The following ZNF217 variants were observed in gnomAD, a reference collection of about 807,000 sequenced individuals.
ZNF217 encodes zinc finger protein 217.
ZNF217 carries 12 observed loss-of-function variants against 73.3 expected under a neutral mutation model. The ratio of observed to expected loss-of-function variants is 0.16; its 90% CI spans 0.10 to 0.27. The LOEUF (loss-of-function observed/expected upper bound fraction) is 0.27, where lower values mean the gene tolerates loss of function less well. Among genes scored for constraint, ZNF217 ranks in the 10% least tolerant of loss-of-function variants. The pLI is 1.00. For missense variants in ZNF217, 1,195 were observed against 1,327.8 expected (o/e 0.90, Z 1.55); for synonymous variants, 588 against 516.4 (o/e 1.14, Z -1.88).
chr20:53,582,353 A>G lies in ZNF217; in HGVS notation c.474T>C (p.Cys158=). ...RTHKDSFTYG[C]NMCGRRFKEP... ...CCTTGAATCTTCTTCCGCACATGTT[A>G]CACCCGTAAGTGAAAGAATCTTTGT... The change falls in exon 2 of 6, where the codon TGT becomes TGC. Residue 158 remains cysteine, a synonymous_variant. Transcript: ENST00000371471. This position sits in a 1 kb window ranked among gnomAD's most constrained non-coding sequence, Gnocchi z 4.8. The G allele has an allele frequency of 6.2e-7, 1 of 1,614,200 alleles. No individual in the cohort carries two copies. The highest frequency in any genetic ancestry group is 2.2e-5 in the East Asian group (1 of 44,880).
chr20:53,585,745 G>C (rs1271806665), intron 1 of ZNF217, among the ~76,000 whole-genome samples: 1 of 152,204 alleles, frequency 6.6e-6, no homozygotes, highest in East Asian at 1.9e-4. Context: ...AGGAGGTTCA[G>C]TGGGAAACGA....
At chr20:53,583,354 C>T (rs1600725579) in intron 1 of ZNF217, among the ~76,000 whole-genome samples, 186 bp from the exon 2 acceptor site, 1 of 152,190 alleles carries the variant, frequency 6.6e-6, no homozygotes, top group African/African-American at 2.4e-5. Flanking sequence ...TTTATCCAGT[C>T]AGTACACTTA....
chr20:53,570,903 G>A (rs1327577519), intron 5 of ZNF217, among the ~76,000 whole-genome samples: 1 of 152,204 alleles, frequency 6.6e-6, no homozygotes, highest in Non-Finnish European at 1.5e-5. Flanking sequence ...CATAATCCAT[G>A]CCTCGGTCTC....
chr20:53,586,324 G>T (rs372618702), intron 1 of ZNF217, among the ~76,000 whole-genome samples: 1 of 152,086 alleles, frequency 6.6e-6, no homozygotes, highest in Admixed American at 6.6e-5. Flanking sequence ...AAATTAACTT[G>T]CATGTTCATC....
chr20:53,571,992 G>A (rs937649201), intron 4 of ZNF217, 139 bp from the exon 5 acceptor site: 30 of 806,280 alleles, frequency 3.7e-5, no homozygotes, highest in African/African-American at 2.9e-4. Flanking sequence ...GCATGCAAGT[G>A]TTTTCAGTTA....
intron 4 of ZNF217, chr20:53,575,520 G>A (rs995887431): frequency 1.9e-6 from 1 of 537,354 alleles, no homozygotes; most frequent in African/African-American, 1.9e-5. Context: ...AATACACAGG[G>A]TTAAGAGTTA....
At chr20:53,596,447 G>C (rs1305734976), upstream of ZNF217, among the ~76,000 whole-genome samples, 1 of 152,182 alleles carries the variant, frequency 6.6e-6, no homozygotes, top group African/African-American at 2.4e-5. Flanking sequence ...CTGCTGGGTT[G>C]CAAATACATA....
chr20:53,593,594 G>A (rs1568694527), intron 1 of ZNF217, among the ~76,000 whole-genome samples, 162 bp downstream of exon 1: 1 of 151,916 alleles, frequency 6.6e-6, no homozygotes, highest in African/African-American at 2.4e-5. Flanking sequence ...GCTGGGGAGG[G>A]GGCGCCCTAG....
chr20:53,582,828 T>C lies in ZNF217; in HGVS notation c.-2A>G, dbSNP rs772342801. 2 of 1,588,920 alleles carry C rather than the reference T, an allele frequency of 1.3e-6. No homozygotes were observed. The highest frequency in any genetic ancestry group is 1.7e-5 in the Admixed American group (1 of 57,150). Reference sequence around the variant, plus strand: ...GTTTCCTGTCACTTTCGATTGCATATAATCTCAAAGTTCCGTTGGGCAATT... The same window carrying C: ...GTTTCCTGTCACTTTCGATTGCATACAATCTCAAAGTTCCGTTGGGCAATT... On this transcript the variant is annotated 5_prime_UTR_variant, in exon 2 of 6. Coordinates refer to ENST00000371471, the MANE Select transcript of ZNF217 (RefSeq NM_006526.3). This position sits in a 1 kb window ranked among gnomAD's most constrained non-coding sequence, Gnocchi z 4.8.
chr20:53,582,868 A>C lies in ZNF217; in HGVS notation c.-42T>G. Reference sequence around the variant, plus strand: ...GTTGGGCAATTTCTGGAGTTGGAATAAGGCCACTTGTAAGACTTGTCACTC... The same window carrying C: ...GTTGGGCAATTTCTGGAGTTGGAATCAGGCCACTTGTAAGACTTGTCACTC... On this transcript the variant is annotated 5_prime_UTR_variant, in exon 2 of 6. Coordinates refer to ENST00000371471, the MANE Select transcript of ZNF217 (RefSeq NM_006526.3). The surrounding 1 kb of genome is among the most constrained non-coding windows in gnomAD (Gnocchi z 4.8). 2 of 1,557,746 alleles carry C rather than the reference A, an allele frequency of 1.3e-6. No individual in the cohort carries two copies. Among genetic ancestry groups the C allele is most frequent in the Non-Finnish European group, 1.7e-6 (2 of 1,150,722 alleles).
chr20:53,573,963 G>A (rs952567900), intron 4 of ZNF217, among the ~76,000 whole-genome samples: 1 of 151,910 alleles, frequency 6.6e-6, no homozygotes, highest in Non-Finnish European at 1.5e-5. Context: ...CAAACTACTC[G>A]GGAGGCTGAG....
Position 53,582,399 on chromosome 20 carries a change from A to C in ZNF217, c.428T>G (p.Val143Gly). The part of the protein sequence containing the change: ...CGQTFRVAFD[V>G]EIHMRTHKDS... ...TTTGTGTGTTCTCATGTGGATCTCAACATCAAAAGCGACTCTAAATGTCTG... is the reference window on the plus strand; with the variant it reads ...TTTGTGTGTTCTCATGTGGATCTCACCATCAAAAGCGACTCTAAATGTCTG... The change falls in exon 2 of 6, where the codon GTT (valine) becomes GGT (glycine). Residue 143 changes from valine to glycine, a missense_variant. Coordinates refer to ENST00000371471, the MANE Select transcript of ZNF217 (RefSeq NM_006526.3). This position sits in a 1 kb window ranked among gnomAD's most constrained non-coding sequence, Gnocchi z 4.8. The C allele has an allele frequency of 6.2e-7, 1 of 1,614,168 alleles. No individual in the cohort carries two copies. Among genetic ancestry groups the C allele is most frequent in the Non-Finnish European group, 8.5e-7 (1 of 1,180,018 alleles).
At chr20:53,583,418 C>A (rs2145962423) in intron 1 of ZNF217, among the ~76,000 whole-genome samples, 1 of 152,320 alleles carries the variant, frequency 6.6e-6, no homozygotes, top group Non-Finnish European at 1.5e-5. Context: ...GCTTTACCGA[C>A]TTAAATCTAA....
Position 53,581,959 on chromosome 20 carries a change from G to T in ZNF217, c.868C>A (p.Leu290Ile). ...GKKPVRCIPQ[L>I]DPFTTFQAWQ... The stretch of plus-strand genomic sequence containing the variant: ...GCCTGGAAGGTGGTGAACGGATCGA[G>T]CTGAGGGATGCATCTGACAGGCTTC... The change falls in exon 2 of 6, where the codon CTC (leucine) becomes ATC (isoleucine). Residue 290 changes from leucine (L) to isoleucine (I), a missense_variant. Leu to Ile is a conservative substitution (Grantham distance 5, BLOSUM62 2). This residue lies in a region of ZNF217 where 126 missense variants were observed against 114.4 expected (regional missense o/e 1.10). Transcript: ENST00000371471. The surrounding 1 kb of genome is among the most constrained non-coding windows in gnomAD (Gnocchi z 4.9). 1 of 1,614,200 alleles carries T rather than the reference G, an allele frequency of 6.2e-7. No individual in the cohort carries two copies. Among genetic ancestry groups the T allele is most frequent in the East Asian group, 2.2e-5 (1 of 44,884 alleles).
At chr20:53,587,700 A>G (rs1988745207) in intron 1 of ZNF217, among the ~76,000 whole-genome samples, 1 of 150,804 alleles carries the variant, frequency 6.6e-6, no homozygotes, top group African/African-American at 2.4e-5. Context: ...TTAAATTGCT[A>G]TTCTCTGGCC....
rs904059182 is a variant in ZNF217, at chr20:53,567,133, A to G, written c.*2155T>C. The G allele has an allele frequency of 2.6e-5, 4 of 152,546 alleles. No individual in the cohort carries two copies. The highest frequency in any genetic ancestry group is 9.7e-5 in the African/African-American group (4 of 41,372). 9.4% of individuals were successfully genotyped at this position (152,546 alleles called of 1,614,324 possible). ...TAATAACATAACTTTAAGCTGAAAT[A>G]TATCATAAATAAAACAAGTAATGTC... On this transcript the variant is annotated 3_prime_UTR_variant, in exon 6 of 6. Transcript: ENST00000371471.
Position 53,571,720 on chromosome 20 carries a change from C to G in ZNF217, c.*23+1G>C. On this transcript the variant is annotated splice_donor_variant, in intron 5 of 5. Coordinates refer to ENST00000371471, the MANE Select transcript of ZNF217 (RefSeq NM_006526.3). LOFTEE classifies it low-confidence loss of function (3UTR_SPLICE). ...TGTTTTTAATTGAAACATATGCTCA[C>G]CTTTTTTCCCCCTAATTAGTGAATC... The G allele has an allele frequency of 6.2e-7, 1 of 1,607,442 alleles. No homozygotes were observed. The highest frequency in any genetic ancestry group is 8.5e-7 in the Non-Finnish European group (1 of 1,178,058).
chr20:53,593,596 G>A (rs1313027979), intron 1 of ZNF217, among the ~76,000 whole-genome samples, 160 bp downstream of exon 1: 3 of 151,916 alleles, frequency 2.0e-5, no homozygotes, highest in Non-Finnish European at 4.4e-5. Flanking sequence ...TGGGGAGGGG[G>A]CGCCCTAGAG....
At position 53,581,587 on chromosome 20, in the gene ZNF217, C is replaced by G; in HGVS notation, c.1240G>C (p.Gly414Arg). 1 of 1,614,246 alleles carries G rather than the reference C, an allele frequency of 6.2e-7. No homozygotes were observed. Among genetic ancestry groups the G allele is most frequent in the Non-Finnish European group, 8.5e-7 (1 of 1,180,046 alleles). Residue 414 changes from glycine (G) to arginine (R), a missense_variant, in exon 2 of 6, where the codon GGG (glycine) becomes CGG (arginine). Gly to Arg is a moderately radical substitution (Grantham distance 125). This residue lies in a region of ZNF217 where 116 missense variants were observed against 121.9 expected (regional missense o/e 0.95). Coordinates refer to ENST00000371471, the MANE Select transcript of ZNF217 (RefSeq NM_006526.3). This position sits in a 1 kb window ranked among gnomAD's most constrained non-coding sequence, Gnocchi z 4.9. The stretch of plus-strand genomic sequence containing the variant: ...GGAGAACACGTCCCCGGCTGCCTCC[C>G]GTCCACAGACATGGTGGGCGACTCC... Reference protein sequence around the residue: ...GAESPTMSVDGRQPGTCSPDL... With the variant: ...GAESPTMSVDRRQPGTCSPDL...
Sources: gnomAD v4.1 joint callset for allele counts (sites outside exome capture counted in the v4.1 genomes callset) on GRCh38, gnomAD v4.1.1 for gene constraint, gnomAD v4.1.1 regional missense constraint, Gnocchi (gnomAD v3.1) non-coding constraint, MANE v1.5 for transcripts, NCBI Gene and HGNC (gene_info 2026-07-23, HGNC 2026-07-21) for gene names.